The following GRM5 variants were observed in gnomAD, a reference collection of about 807,000 sequenced individuals.
The protein encoded by GRM5 is metabotropic glutamate receptor 5.
Under a neutral mutation model 83.1 loss-of-function variants are expected in GRM5, and 19 were observed. That is an observed-to-expected ratio of 0.23 (90% confidence interval 0.16 to 0.34). GRM5 has a LOEUF of 0.34. Among genes scored for constraint, GRM5 ranks in the 10% least tolerant of loss-of-function variants. The pLI, the probability that GRM5 is intolerant of heterozygous loss-of-function variation, is 1.00. For synonymous variants in GRM5, 675 were observed against 633.6 expected (o/e 1.07, Z -0.98); for missense variants, 1,160 against 1,588.3 (o/e 0.73, Z 4.58).
chr11:88,522,776 T>C (rs1941738482), intron 9 of GRM5: 1 of 152,150 alleles, frequency 6.6e-6, no homozygotes, highest in Non-Finnish European at 1.5e-5. Flanking sequence ...TATAGTAGTA[T>C]GCATTATTCC....
intron 2 of GRM5, among the ~76,000 whole-genome samples, chr11:88,866,657 C>T (rs868478330): frequency 6.6e-6 from 1 of 151,920 alleles, no homozygotes; most frequent in Non-Finnish European, 1.5e-5. Flanking sequence ...CACTTTTTAA[C>T]ATAATTTGTT....
intron 8 of GRM5, among the ~76,000 whole-genome samples, chr11:88,539,084 T>C (rs796161700): frequency 2.0e-5 from 3 of 152,322 alleles, no homozygotes; most frequent in African/African-American, 7.2e-5. Flanking sequence ...TCTGTGATAC[T>C]AACTTTGATT....
intron 2 of GRM5, among the ~76,000 whole-genome samples, chr11:88,971,258 T>C (rs1939156119): frequency 6.6e-6 from 1 of 152,162 alleles, no homozygotes; most frequent in Non-Finnish European, 1.5e-5. Context: ...TTTGTATACA[T>C]AGATTTGCTT....
chr11:88,938,393 A>G (rs1181815836), intron 2 of GRM5, among the ~76,000 whole-genome samples: 6 of 151,760 alleles, frequency 4.0e-5, no homozygotes, highest in South Asian at 4.1e-4. Context: ...ACGAAGGACT[A>G]TATATCCATT....
chr11:88,824,881 C>G (rs559109538), intron 3 of GRM5, among the ~76,000 whole-genome samples: 44 of 152,296 alleles, frequency 2.9e-4, no homozygotes, highest in African/African-American at 9.4e-4. Flanking sequence ...GGTTTCTTAA[C>G]TACCATCATC....
intron 8 of GRM5, among the ~76,000 whole-genome samples, chr11:88,545,546 T>C (rs1331411761): frequency 6.6e-6 from 1 of 151,668 alleles, no homozygotes; most frequent in Non-Finnish European, 1.5e-5. Context: ...AGTTATCAAT[T>C]TTACCCTTCA....
intron 3 of GRM5, among the ~76,000 whole-genome samples, chr11:88,814,502 G>T (rs1011120812): frequency 6.6e-6 from 1 of 151,568 alleles, no homozygotes; most frequent in African/African-American, 2.4e-5. Flanking sequence ...ATCTAAGTAG[G>T]AAGTCTTATA....
chr11:88,634,631 A>G (rs1939069410), intron 4 of GRM5, among the ~76,000 whole-genome samples: 1 of 152,236 alleles, frequency 6.6e-6, no homozygotes, highest in African/African-American at 2.4e-5. Flanking sequence ...CTATGATAAC[A>G]ATACTTTCTG....
At position 88,901,173 on chromosome 11, in the gene GRM5, G is replaced by A. The variant is rs141230572; in HGVS notation, c.662-51018C>T. ...CTTGTGAGATCCGTGTGTGAGCTTA[G>A]TCAAGTCATTTTCTGGTATGTCGGT... On this transcript the variant is annotated intron_variant, in intron 2 of 9. Coordinates refer to ENST00000305447, the MANE Select transcript of GRM5 (RefSeq NM_001143831.3). Among the ~76,000 whole-genome samples, 391 of 152,232 alleles carry A rather than the reference G, an allele frequency of 2.6e-3. 3 individuals are homozygous for A. The highest frequency in any genetic ancestry group is 9.1e-3 in the African/African-American group (377 of 41,548).
intron 3 of GRM5, among the ~76,000 whole-genome samples, chr11:88,831,725 A>T (rs535378918): frequency 6.6e-6 from 1 of 152,270 alleles, no homozygotes; most frequent in Admixed American, 6.5e-5. Flanking sequence ...TGGGCCAGCG[A>T]TTGCAGCCAC....
chr11:88,567,764 T>A lies in GRM5; in HGVS notation c.1919A>T (p.Lys640Ile). 6.2e-7 allele frequency: 1 copy of A among 1,614,056 alleles called. No homozygotes were observed. Among genetic ancestry groups the A allele is most frequent in the Non-Finnish European group, 8.5e-7 (1 of 1,179,950 alleles). The change falls in exon 8 of 10, where the codon AAA becomes ATA. Residue 640 changes from lysine to isoleucine, a missense_variant. By Grantham distance (102) the Lys-to-Ile change is moderately radical. Transcript: ENST00000305447. The surrounding 1 kb of genome is among the most constrained non-coding windows in gnomAD (Gnocchi z 7.3). ...LCTFCLIAKP[K>I]QIYCYLQRIG... is the part of the protein sequence containing the mutation. ...TCTCTGAAGGTAGCAGTAAATCTGTTTGGGCTTCGCAATGAGGCAGAAGGT... is the reference window on the plus strand; with the variant it reads ...TCTCTGAAGGTAGCAGTAAATCTGTATGGGCTTCGCAATGAGGCAGAAGGT...
At chr11:88,721,651 C>A (rs923855755) in intron 3 of GRM5, among the ~76,000 whole-genome samples, 2 of 151,982 alleles carry the variant, frequency 1.3e-5, no homozygotes, top group Non-Finnish European at 2.9e-5. Context: ...TGATTTTGTG[C>A]CATTTGGGTA....
Position 89,047,968 on chromosome 11 carries a change from G to A in GRM5, c.-96C>T, listed in dbSNP as rs202154418. On this transcript the variant is annotated 5_prime_UTR_variant, in exon 2 of 10. Coordinates refer to ENST00000305447, the MANE Select transcript of GRM5 (RefSeq NM_001143831.3). This position sits in a 1 kb window ranked among gnomAD's most constrained non-coding sequence, Gnocchi z 5.1. ...AACAAGCGATGTCCTACGTTGAGTC[G>A]CAAATCAAGAAATTAGCCAGCAATT... 59 of 856,464 alleles carry A rather than the reference G, an allele frequency of 6.9e-5. No homozygotes were observed. Among genetic ancestry groups the A allele is most frequent in the African/African-American group, 6.6e-4 (39 of 58,940 alleles). 53.1% of individuals were successfully genotyped at this position (856,464 alleles called of 1,614,324 possible).
chr11:88,585,695 T>C (rs1943299537), intron 7 of GRM5, among the ~76,000 whole-genome samples: 2 of 152,216 alleles, frequency 1.3e-5, no homozygotes, highest in Non-Finnish European at 2.9e-5. Flanking sequence ...TTTACTGTTA[T>C]GGGCTCTCAC....
chr11:88,798,820 A>AAC (rs58922576), intron 3 of GRM5, among the ~76,000 whole-genome samples: 5,328 of 136,274 alleles, frequency 0.039, 297 homozygotes, highest in African/African-American at 0.11. Flanking sequence ...AAAAAAAAAA[A>AAC]AAAAAAACAA....
intron 2 of GRM5, among the ~76,000 whole-genome samples, chr11:88,869,675 T>C (rs1450545870): frequency 1.3e-5 from 2 of 151,548 alleles, no homozygotes; most frequent in African/African-American, 4.8e-5. Flanking sequence ...TTGCTTATGT[T>C]TTTCAAACTC....
At chr11:88,568,403 G>A (rs1260397155) in intron 7 of GRM5, among the ~76,000 whole-genome samples, 1 of 152,086 alleles carries the variant, frequency 6.6e-6, no homozygotes, top group East Asian at 1.9e-4. Flanking sequence ...ATGGAGTTGG[G>A]GATTTCATGG....
intron 2 of GRM5, among the ~76,000 whole-genome samples, chr11:88,869,980 C>T (rs1944735179): frequency 6.6e-6 from 1 of 151,362 alleles, no homozygotes; most frequent in African/African-American, 2.4e-5. Flanking sequence ...GTGATAGCAT[C>T]CTGTCTTTCT....
chr11:88,973,845 G>T (rs1170128325), intron 2 of GRM5, among the ~76,000 whole-genome samples: 1 of 152,056 alleles, frequency 6.6e-6, no homozygotes, highest in Admixed American at 6.6e-5. Flanking sequence ...TATACAACAG[G>T]TCCCTATATT....
Sources: allele counts gnomAD v4.1 joint callset (sites outside exome capture counted in the v4.1 genomes callset), GRCh38; gene constraint gnomAD v4.1.1; non-coding constraint Gnocchi (gnomAD v3.1); transcripts MANE v1.5; gene names NCBI Gene and HGNC (gene_info 2026-07-23, HGNC 2026-07-21).